Variants in AMY2B observed in about 807,000 individuals in gnomAD.
The protein encoded by AMY2B is alpha-amylase 2B.
In AMY2B, 63 loss-of-function variants were observed where a neutral mutation model predicts 59.3. The observed-to-expected ratio is 1.06, with a 90% CI of 0.87 to 1.31. The LOEUF (loss-of-function observed/expected upper bound fraction) is 1.31. Ranked by LOEUF, AMY2B falls within the 50% of genes most tolerant of loss-of-function variation. The probability of loss-of-function intolerance (pLI) is 0.00; values close to 1 mark genes in which losing one functional copy is unlikely to be tolerated. For missense variants in AMY2B, 635 were observed against 626.7 expected (o/e 1.01, Z -0.14); for synonymous variants, 180 against 198.1 (o/e 0.91, Z 0.77).
chr1:103,556,599 A>G (rs1651559849), intron 1 of AMY2B, among the ~76,000 whole-genome samples: 1 of 151,934 alleles, frequency 6.6e-6, no homozygotes, highest in South Asian at 2.1e-4. Context: ...AGTATAGTAT[A>G]ATAGTACTAA....
intron 1 of AMY2B, among the ~76,000 whole-genome samples, chr1:103,557,156 A>G (rs1295159528): frequency 6.6e-6 from 1 of 151,802 alleles, no homozygotes; most frequent in Non-Finnish European, 1.5e-5. Flanking sequence ...GCGCGCACAC[A>G]CACACACACA....
chr1:103,563,606 G>T (rs925409027), intron 1 of AMY2B, among the ~76,000 whole-genome samples: 1 of 152,060 alleles, frequency 6.6e-6, no homozygotes, highest in Non-Finnish European at 1.5e-5. Context: ...ATATGATAAT[G>T]CCTGACTCTT....
At chr1:103,575,744 A>G in intron 7 of AMY2B, 2 of 771,718 alleles carry the variant, frequency 2.6e-6, no homozygotes, top group Non-Finnish European at 3.8e-6. Context: ...AAGCCTTTTC[A>G]GACATATGAT....
At chr1:103,560,068 C>T (rs1326219223) in intron 1 of AMY2B, among the ~76,000 whole-genome samples, 3 of 151,810 alleles carry the variant, frequency 2.0e-5, no homozygotes, top group East Asian at 3.9e-4. Context: ...TATTTCAATC[C>T]TTTAAAAGAC....
chr1:103,556,514 T>G (rs1395946229), intron 1 of AMY2B, among the ~76,000 whole-genome samples: 2 of 151,918 alleles, frequency 1.3e-5, no homozygotes, highest in Non-Finnish European at 2.9e-5. Context: ...ATTTGGGAGA[T>G]TTAAATAAGA....
In AMY2B at chr1:103,577,563, C is replaced by T; in HGVS notation, c.1175C>T (p.Thr392Ile). 2.5e-6 allele frequency: 4 copies of T among 1,611,952 alleles called. No individual in the cohort carries two copies. The highest frequency in any genetic ancestry group is 3.4e-6 in the Non-Finnish European group (4 of 1,179,820). ...GAAGTTACTATTAATCCAGACACTA[C>T]TTGTGGCAATGACTGGGTCTGTGAA... ...IKEVTINPDT[T>I]CGNDWVCEHR... Residue 392 changes from threonine (T) to isoleucine (I), a missense_variant, in exon 8 of 10, where the codon ACT (threonine) becomes ATT (isoleucine). By Grantham distance (89) the Thr-to-Ile change is moderately conservative (BLOSUM62 -1). Transcript: ENST00000684275.
chr1:103,562,863 C>T (rs926050242), intron 1 of AMY2B, among the ~76,000 whole-genome samples: 1 of 151,898 alleles, frequency 6.6e-6, no homozygotes, highest in African/African-American at 2.4e-5. Context: ...CAATAGAGCT[C>T]TTTCATTTTA....
intron 1 of AMY2B, among the ~76,000 whole-genome samples, chr1:103,560,675 ACT>A (rs1052830366): frequency 6.6e-6 from 1 of 152,124 alleles, no homozygotes; most frequent in Non-Finnish European, 1.5e-5. Flanking sequence ...ATACTTGAAC[ACT>A]GTTTTATTCC....
At chr1:103,575,067 T>C (rs1204972359) in intron 5 of AMY2B, among the ~76,000 whole-genome samples, 156 bp from the exon 6 acceptor site, 1 of 147,658 alleles carries the variant, frequency 6.8e-6, no homozygotes, top group East Asian at 1.9e-4. Context: ...TATGTATATA[T>C]ATATATATAT....
intron 8 of AMY2B, 26 bp from the exon 9 acceptor site, chr1:103,577,694 C>T (rs201162448): frequency 3.3e-5 from 53 of 1,611,628 alleles, no homozygotes; most frequent in Admixed American, 5.0e-5. Flanking sequence ...AGAATATCAA[C>T]GTTTTATATG....
upstream of AMY2B, chr1:103,569,870 G>A (rs192896538): frequency 3.6e-3 from 1,667 of 458,382 alleles, 14 homozygotes; most frequent in South Asian, 4.7e-3. Flanking sequence ...GCTGCTGACC[G>A]AGGACCCCCT....
chr1:103,568,998 C>T (rs1203645447), upstream of AMY2B: 4 of 152,028 alleles, frequency 2.6e-5, no homozygotes, highest in Non-Finnish European at 5.9e-5. Context: ...GAAGCAAACC[C>T]ATCCTTCTTC....
intron 5 of AMY2B, 67 bp downstream of exon 5, chr1:103,574,460 G>A: frequency 6.2e-7 from 1 of 1,604,062 alleles, no homozygotes; most frequent in Non-Finnish European, 8.5e-7. Context: ...CCCAGTGTGA[G>A]TTATCTTCTG....
upstream of AMY2B, chr1:103,570,498 A>G (rs1652083024): frequency 1.5e-6 from 1 of 648,596 alleles, no homozygotes; most frequent in Admixed American, 1.8e-5. Flanking sequence ...GAAGGAGATC[A>G]CCACCCGGGC....
chr1:103,554,924 T>A (rs545615893), exon 1 of AMY2B: 1 of 152,362 alleles, frequency 6.6e-6, no homozygotes, highest in African/African-American at 2.4e-5. Flanking sequence ...TTTGTTATAC[T>A]GACATGATTC....
At chr1:103,578,767 A>G (rs1236299193) in intron 9 of AMY2B, among the ~76,000 whole-genome samples, 4 of 151,490 alleles carry the variant, frequency 2.6e-5, no homozygotes, top group Non-Finnish European at 4.4e-5. Flanking sequence ...GTATGCCCCA[A>G]ATTCTTTTTT....
chr1:103,564,392 T>G (rs1006752922), intron 1 of AMY2B, among the ~76,000 whole-genome samples: 1 of 152,108 alleles, frequency 6.6e-6, no homozygotes, highest in African/African-American at 2.4e-5. Flanking sequence ...CTAGTCAGTC[T>G]TCTATTTAAA....
intron 7 of AMY2B, among the ~76,000 whole-genome samples, chr1:103,577,105 G>A (rs1652386183): frequency 6.6e-6 from 1 of 152,076 alleles, no homozygotes; most frequent in Non-Finnish European, 1.5e-5. Flanking sequence ...GGTTGCGGTG[G>A]TGCACACCAA....
intron 7 of AMY2B, chr1:103,575,776 G>GAAAA (rs371844100): frequency 6.3e-6 from 2 of 318,790 alleles, no homozygotes; most frequent in Non-Finnish European, 5.2e-6. Context: ...TAGCCCACAG[G>GAAAA]AAAAAAAAAA....
Sources: gnomAD v4.1 joint callset for allele counts (sites outside exome capture counted in the v4.1 genomes callset) on GRCh38, gnomAD v4.1.1 for gene constraint, MANE v1.5 for transcripts, NCBI Gene and HGNC (gene_info 2026-07-23, HGNC 2026-07-21) for gene names.